Variants in STN1 observed in about 807,000 individuals in gnomAD.
STN1 encodes the protein STN1 subunit of CST complex, also known as CST complex subunit STN1.
STN1 carries 29 observed loss-of-function variants against 45.5 expected under a neutral mutation model. The ratio of observed to expected loss-of-function variants is 0.64; its 90% CI spans 0.47 to 0.87. The LOEUF (loss-of-function observed/expected upper bound fraction) is 0.87. Among genes scored for constraint, STN1 ranks in the 40% least tolerant of loss-of-function variants. The probability of loss-of-function intolerance (pLI) is 0.00; values close to 1 mark genes in which losing one functional copy is unlikely to be tolerated. For missense variants in STN1, 376 were observed against 441.4 expected (o/e 0.85, Z 1.33); for synonymous variants, 148 against 159.0 (o/e 0.93, Z 0.52).
At chr10:103,903,421 A>G (rs76052273) in intron 4 of STN1, among the ~76,000 whole-genome samples, 5,589 of 152,294 alleles carry the variant, frequency 0.037, 317 homozygotes, top group African/African-American at 0.12. Flanking sequence ...TTGTCCCCTC[A>G]AAATCTCATG....
At chr10:103,914,172 A>G (rs1474270464) in intron 2 of STN1, among the ~76,000 whole-genome samples, 4 of 151,924 alleles carry the variant, frequency 2.6e-5, no homozygotes, top group African/African-American at 9.7e-5. Flanking sequence ...TGAATATATT[A>G]TTTCCACTTC....
In STN1 at chr10:103,911,668, T is replaced by C. The variant is rs959228240; in HGVS notation, c.134-1046A>G. Among the ~76,000 whole-genome samples, 13 of 152,226 alleles carry C rather than the reference T, an allele frequency of 8.5e-5. No homozygotes were observed. In the Middle Eastern group the frequency reaches 0.01, roughly 119 times the overall value. On this transcript the variant is annotated intron_variant, in intron 2 of 9. Coordinates refer to ENST00000224950, the MANE Select transcript of STN1 (RefSeq NM_024928.5). ...AAGTGCTGGGAGCCACCACACCCAG[T>C]CAAGTCCTTTTTAAAATAAATATAC...
intron 4 of STN1, among the ~76,000 whole-genome samples, chr10:103,904,307 C>T (rs1230429838): frequency 6.6e-6 from 1 of 152,008 alleles, no homozygotes; most frequent in Non-Finnish European, 1.5e-5. Context: ...ATATTATGAA[C>T]TTAAATTAAA....
At chr10:103,917,353 GCCTGCAGCAGGGAAGGCTCT>G (rs1843340603) in intron 2 of STN1, 89 bp downstream of exon 2, 1 of 998,840 alleles carries the variant, frequency 1.0e-6, no homozygotes. Context: ...CCCTTTCAAA[GCCTGCAGCAGGGAAGGCTCT>G]CCTAAAAGCC....
At chr10:103,882,949 CT>C in intron 9 of STN1, 108 bp from the exon 10 acceptor site, 1 of 1,074,440 alleles carries the variant, frequency 9.3e-7, no homozygotes, top group Non-Finnish European at 1.3e-6. Flanking sequence ...CCCAGATGAT[CT>C]TTATGCACAT....
In STN1 at chr10:103,903,235, C is replaced by T. The variant is rs77154827; in HGVS notation, c.295+1856G>A. Among the ~76,000 whole-genome samples, 956 of 152,190 alleles carry T rather than the reference C, an allele frequency of 6.3e-3. 9 individuals are homozygous for T. Among genetic ancestry groups the T allele is most frequent in the African/African-American group, 0.018 (762 of 41,500 alleles). ...CGTTGAATAGTTGAGACACACAGAC[C>T]ATAGGGTGCACAAACAGAAAATATG... On this transcript the variant is annotated intron_variant, in intron 4 of 9. Transcript: ENST00000224950.
chr10:103,908,473 G>T (rs1379635428), intron 3 of STN1, among the ~76,000 whole-genome samples: 1 of 152,222 alleles, frequency 6.6e-6, no homozygotes, highest in African/African-American at 2.4e-5. Context: ...CCCCAGCACA[G>T]GCCTGCGGTG....
intron 9 of STN1, among the ~76,000 whole-genome samples, chr10:103,885,010 C>A (rs1192432244): frequency 2.0e-5 from 3 of 152,126 alleles, no homozygotes; most frequent in Non-Finnish European, 1.5e-5. Flanking sequence ...TAGAGCTTGG[C>A]AGACCTGGAG....
intron 4 of STN1, 101 bp downstream of exon 4, chr10:103,904,990 G>A: frequency 9.9e-7 from 1 of 1,012,142 alleles, no homozygotes. Flanking sequence ...CTCACCAGCA[G>A]ATAAATGTGA....
chr10:103,883,021 G>A (rs1273168634), intron 9 of STN1, among the ~76,000 whole-genome samples, 180 bp from the exon 10 acceptor site: 1 of 152,174 alleles, frequency 6.6e-6, no homozygotes, highest in Non-Finnish European at 1.5e-5. Flanking sequence ...CCTGTTCTCA[G>A]GCCCCTGATG....
At chr10:103,909,751 A>T (rs1843278390) in intron 3 of STN1, among the ~76,000 whole-genome samples, 1 of 152,080 alleles carries the variant, frequency 6.6e-6, no homozygotes, top group African/African-American at 2.4e-5. Flanking sequence ...TTTCCTCAAG[A>T]AGAGTAAGAA....
In STN1 at chr10:103,877,813, C is replaced by G. The variant is rs1843040461; in HGVS notation, c.*4871G>C. 6.6e-6 allele frequency: 1 copy of G among 152,250 alleles called. No individual in the cohort carries two copies. 9.4% of individuals were successfully genotyped at this position (152,250 alleles called of 1,614,324 possible). On this transcript the variant is annotated 3_prime_UTR_variant, in exon 10 of 10. Coordinates refer to ENST00000224950, the MANE Select transcript of STN1 (RefSeq NM_024928.5). Reference sequence around the variant, plus strand: ...GATGGTCCTGCTTTTCCCCCAGCACCTGTGCAGGCATCTCTGGCGAGCCTT... The same window carrying G: ...GATGGTCCTGCTTTTCCCCCAGCACGTGTGCAGGCATCTCTGGCGAGCCTT...
chr10:103,896,970 T>C (rs1843175053), intron 7 of STN1, among the ~76,000 whole-genome samples: 1 of 152,158 alleles, frequency 6.6e-6, no homozygotes, highest in Non-Finnish European at 1.5e-5. Flanking sequence ...GACAGGGAAG[T>C]AGATGAGAGG....
chr10:103,886,104 A>G (rs1364615553), intron 9 of STN1, among the ~76,000 whole-genome samples: 2 of 152,220 alleles, frequency 1.3e-5, no homozygotes, highest in Non-Finnish European at 2.9e-5. Context: ...ATCCTCCAGT[A>G]TAAGTAGTGT....
intron 4 of STN1, among the ~76,000 whole-genome samples, chr10:103,900,897 C>T (rs992418732): frequency 3.3e-5 from 5 of 152,294 alleles, no homozygotes; most frequent in East Asian, 1.9e-4. Context: ...AGAATCGTCA[C>T]GAATGTCTGG....
At chr10:103,893,953 A>G (rs17116120) in intron 7 of STN1, among the ~76,000 whole-genome samples, 4,263 of 152,334 alleles carry the variant, frequency 0.028, 189 homozygotes, top group African/African-American at 0.096. Flanking sequence ...AGAAGGGAGA[A>G]TAAGGCTGAG....
chr10:103,890,995 C>T (rs1412293970), intron 8 of STN1, among the ~76,000 whole-genome samples: 3 of 152,192 alleles, frequency 2.0e-5, no homozygotes, highest in Non-Finnish European at 2.9e-5. Context: ...GAACTTTTAA[C>T]TTGAAAGAGT....
chr10:103,909,454 ATATATGTATATATATGTATATATG>A (rs1490446085), intron 3 of STN1, among the ~76,000 whole-genome samples: 13 of 111,568 alleles, frequency 1.2e-4, no homozygotes, highest in African/African-American at 3.8e-4. Context: ...GTATATATGT[ATATATGTATATATATGTATATATG>A]TATATATATG....
rs1843063194 is a variant in STN1, at chr10:103,880,745, A to T, written c.*1939T>A. ...CACCCCAGTGAGCAAGCCAGATAGA[A>T]AAGAGGTCTGGGACTGAGTCCTCAG... On this transcript the variant is annotated 3_prime_UTR_variant, in exon 10 of 10. Coordinates refer to ENST00000224950, the MANE Select transcript of STN1 (RefSeq NM_024928.5). 6.6e-6 allele frequency among the ~76,000 whole-genome samples: 1 copy of T among 152,184 alleles called. No individual in the cohort carries two copies. The highest frequency in any genetic ancestry group is 2.4e-5 in the African/African-American group (1 of 41,432).
Sources: allele counts gnomAD v4.1 joint callset (sites outside exome capture counted in the v4.1 genomes callset), GRCh38; gene constraint gnomAD v4.1.1; transcripts MANE v1.5; gene names NCBI Gene and HGNC (gene_info 2026-07-23, HGNC 2026-07-21).